The following PAK1 variants were observed in gnomAD, a reference collection of about 807,000 sequenced individuals.
The protein encoded by PAK1 is p21 (RAC1) activated kinase 1, also known as serine/threonine-protein kinase PAK 1.
Under a neutral mutation model 67.4 loss-of-function variants are expected in PAK1, and 29 were observed. That is an observed-to-expected ratio of 0.43 (90% CI 0.32 to 0.59). The LOEUF is 0.59. Ranked by LOEUF, PAK1 falls within the 20% of genes least tolerant of loss-of-function variation. PAK1 has a pLI of 0.07. For synonymous variants in PAK1, 223 were observed against 237.4 expected (o/e 0.94, Z 0.56); for missense variants, 337 against 670.7 (o/e 0.50, Z 5.50).
the PAK1 span, among the ~76,000 whole-genome samples, chr11:77,520,133 G>T: frequency 3.2e-4 from 48 of 152,324 alleles, no homozygotes; most frequent in African/African-American, 1.0e-3. Flanking sequence ...CTGGTCAGAG[G>T]TTCTCCAGGA....
chr11:77,420,969 T>G (rs968396666), intron 1 of PAK1, among the ~76,000 whole-genome samples: 1 of 152,186 alleles, frequency 6.6e-6, no homozygotes, highest in South Asian at 2.1e-4. Context: ...TATTACAACA[T>G]CCTTTTTAAC....
intron 1 of PAK1, among the ~76,000 whole-genome samples, chr11:77,444,959 G>A (rs1474318351): frequency 6.8e-6 from 1 of 147,634 alleles, no homozygotes; most frequent in Non-Finnish European, 1.5e-5. Flanking sequence ...ACTGTTATGG[G>A]TTGAATTGTG....
chr11:77,392,806 G>A (rs778879506), intron 1 of PAK1, among the ~76,000 whole-genome samples: 5 of 152,328 alleles, frequency 3.3e-5, no homozygotes, highest in Non-Finnish European at 7.3e-5. Context: ...CCATTATGAT[G>A]TAGTTGAAAG....
At chr11:77,490,347 AC>A in the PAK1 span, among the ~76,000 whole-genome samples, 80 of 43,386 alleles carry the variant, frequency 1.8e-3, no homozygotes, top group African/African-American at 4.3e-3. Context: ...TCAGCCCCCC[AC>A]CCGGCCAGCC....
rs1482846436 is a variant in PAK1, at chr11:77,379,954, G to T, written c.231C>A (p.Leu77=). Residue 77 remains leucine (L), a synonymous_variant, in exon 3 of 15, where the codon CTC becomes CTA. Transcript: ENST00000356341. ...GAATTGTGTGTTCAAAATCTGAAGG[G>T]AGAGAAATCTCTGGCCGCTCTTTCT... is the stretch of plus-strand genomic sequence containing the variant. ...KKEKERPEIS[L]PSDFEHTIHV... 6.8e-6 allele frequency: 11 copies of T among 1,613,876 alleles called. No homozygotes were observed. Among genetic ancestry groups the T allele is most frequent in the Non-Finnish European group, 8.5e-6 (10 of 1,179,932 alleles).
At chr11:77,481,044 T>C in the PAK1 span, among the ~76,000 whole-genome samples, 1 of 152,226 alleles carries the variant, frequency 6.6e-6, no homozygotes, top group Non-Finnish European at 1.5e-5. Context: ...TTCTTGAGAC[T>C]TTCTTTTGCC....
intron 1 of PAK1, among the ~76,000 whole-genome samples, chr11:77,437,041 G>GA (rs1956157632): frequency 6.6e-6 from 1 of 152,104 alleles, no homozygotes; most frequent in South Asian, 2.1e-4. Flanking sequence ...GATAAAATAG[G>GA]AAAAAGTCGT....
At chr11:77,323,411 C>T in intron 14 of PAK1, 51 bp from the exon 15 acceptor site, 1 of 1,204,654 alleles carries the variant, frequency 8.3e-7, no homozygotes, top group Non-Finnish European at 1.2e-6. Flanking sequence ...ACATTCTTCC[C>T]CAGTAACCAT....
intron 1 of PAK1, among the ~76,000 whole-genome samples, chr11:77,471,918 A>C (rs1957875946): frequency 6.6e-6 from 1 of 152,186 alleles, no homozygotes; most frequent in Non-Finnish European, 1.5e-5. Context: ...CCTTCCCTGC[A>C]GGACTCACTT....
At chr11:77,338,806 T>C (rs1943133901) in intron 11 of PAK1, among the ~76,000 whole-genome samples, 1 of 152,068 alleles carries the variant, frequency 6.6e-6, no homozygotes, top group Non-Finnish European at 1.5e-5. Flanking sequence ...GCTAGCTAAG[T>C]AAAAGAAGCC....
intron 7 of PAK1, among the ~76,000 whole-genome samples, chr11:77,354,169 A>C (rs1176056662): frequency 6.6e-6 from 1 of 152,166 alleles, no homozygotes; most frequent in East Asian, 1.9e-4. Context: ...TTTCAAGTGC[A>C]ACGACATAGA....
intron 1 of PAK1, among the ~76,000 whole-genome samples, chr11:77,467,946 T>C (rs768172349): frequency 6.6e-6 from 1 of 152,158 alleles, no homozygotes; most frequent in Non-Finnish European, 1.5e-5. Flanking sequence ...CAATCTTAGC[T>C]TTGTGGGAAT....
At chr11:77,352,781 AC>A (rs959443200) in intron 8 of PAK1, among the ~76,000 whole-genome samples, 1 of 152,180 alleles carries the variant, frequency 6.6e-6, no homozygotes, top group African/African-American at 2.4e-5. Flanking sequence ...CAGTACAGTA[AC>A]ATGCTGTACA....
chr11:77,385,095 T>C (rs545633512), intron 2 of PAK1, among the ~76,000 whole-genome samples: 5 of 152,180 alleles, frequency 3.3e-5, no homozygotes, highest in Non-Finnish European at 7.4e-5. Context: ...TACCAAAAAC[T>C]GGAGCAAACA....
chr11:77,472,672 C>T (rs538980216), intron 1 of PAK1, among the ~76,000 whole-genome samples: 1 of 152,222 alleles, frequency 6.6e-6, no homozygotes, highest in South Asian at 2.1e-4. Context: ...TGAAAGAGAA[C>T]CCAAAAATGT....
At chr11:77,509,671 T>C in the PAK1 span, among the ~76,000 whole-genome samples, 1 of 152,186 alleles carries the variant, frequency 6.6e-6, no homozygotes, top group African/African-American at 2.4e-5. Flanking sequence ...CCCTTATGGT[T>C]TGGCGCTGTC....
intron 1 of PAK1, among the ~76,000 whole-genome samples, chr11:77,421,040 C>A (rs189031811): frequency 2.6e-5 from 4 of 152,328 alleles, no homozygotes; most frequent in Admixed American, 6.5e-5. Flanking sequence ...ACATCACTCT[C>A]TTCTGCTTAA....
At position 77,323,090 on chromosome 11, in the gene PAK1, C is replaced by T. The variant is rs1028539098; in HGVS notation, c.*184G>A. 5.7e-6 allele frequency: 6 copies of T among 1,051,732 alleles called. No individual in the cohort carries two copies. The African/African-American group carries it at 9.4e-5, about 17-fold the overall frequency. 65.1% of individuals were successfully genotyped at this position (1,051,732 alleles called of 1,614,324 possible). On this transcript the variant is annotated 3_prime_UTR_variant, in exon 15 of 15. Transcript: ENST00000356341. ...TAGAAATGGCCATCATCTGATTAGT[C>T]ATTCAGTTGCAGTTCTCTTCAATGC...
At chr11:77,473,483 C>G (rs1340264271) in intron 1 of PAK1, 69 bp downstream of exon 1, 3 of 152,360 alleles carry the variant, frequency 2.0e-5, no homozygotes, top group African/African-American at 7.2e-5. Context: ...CTCCACCCGT[C>G]CCCACCCCCG....
Sources: allele counts gnomAD v4.1 joint callset (sites outside exome capture counted in the v4.1 genomes callset), GRCh38; gene constraint gnomAD v4.1.1; transcripts MANE v1.5; gene names NCBI Gene and HGNC (gene_info 2026-07-23, HGNC 2026-07-21).